Variants in ROBO2 observed in about 807,000 individuals in gnomAD.
The protein encoded by ROBO2 is roundabout homolog 2.
A neutral mutation model predicts 160.8 loss-of-function variants in ROBO2; 53 were observed. The ratio of observed to expected loss-of-function variants is 0.33; its 90% CI spans 0.26 to 0.41. ROBO2 has a LOEUF of 0.41. Ranked by LOEUF, ROBO2 falls within the 10% of genes least tolerant of loss-of-function variation. ROBO2 has a pLI of 1.00. For synonymous variants in ROBO2, 664 were observed against 611.7 expected (o/e 1.09, Z -1.26); for missense variants, 1,577 against 1,722.4 (o/e 0.92, Z 1.49).
At chr3:76,547,645 A>G (rs1202285026) in intron 2 of ROBO2, among the ~76,000 whole-genome samples, 1 of 152,112 alleles carries the variant, frequency 6.6e-6, no homozygotes, top group Non-Finnish European at 1.5e-5. Flanking sequence ...TAATCAATAA[A>G]GTAGCTCATT....
chr3:76,158,347 A>T (rs2072489655), intron 2 of ROBO2, among the ~76,000 whole-genome samples: 1 of 151,898 alleles, frequency 6.6e-6, no homozygotes, highest in Non-Finnish European at 1.5e-5. Context: ...CTCTCTAACT[A>T]TAGGCTTGTG....
At position 77,116,446 on chromosome 3, in the gene ROBO2, G is replaced by A. The variant is rs113989263; in HGVS notation, c.388+18106G>A. ...AGAACTTTATCTTAGGGGCCCAGCA[G>A]CCTTTTTGCAAGCCACCATTGTCAC... On this transcript the variant is annotated intron_variant, in intron 2 of 25. Transcript: ENST00000461745. 3.9e-3 allele frequency among the ~76,000 whole-genome samples: 596 copies of A among 152,234 alleles called. 7 individuals are homozygous for A. The highest frequency in any genetic ancestry group is 0.014 in the Middle Eastern group (4 of 294).
intron 2 of ROBO2, among the ~76,000 whole-genome samples, chr3:77,171,714 A>G (rs1393478028): frequency 6.6e-6 from 1 of 152,190 alleles, no homozygotes; most frequent in African/African-American, 2.4e-5. Context: ...ATGGTGGAGT[A>G]TGTTCTATGC....
intron 2 of ROBO2, among the ~76,000 whole-genome samples, chr3:76,898,247 A>G (rs1178533958): frequency 6.6e-6 from 1 of 152,244 alleles, no homozygotes; most frequent in East Asian, 1.9e-4. Context: ...TTAAAGTGCT[A>G]TTTTACAATT....
chr3:76,274,312 C>A, intron 2 of ROBO2, among the ~76,000 whole-genome samples: 1 of 151,342 alleles, frequency 6.6e-6, no homozygotes, highest in Non-Finnish European at 1.5e-5. Flanking sequence ...AACTAACCTG[C>A]ACGTTGTGCA....
intron 2 of ROBO2, among the ~76,000 whole-genome samples, chr3:76,214,890 A>G (rs758699213): frequency 2.6e-5 from 4 of 152,212 alleles, no homozygotes; most frequent in Non-Finnish European, 5.9e-5. Context: ...ACTCCCGAGT[A>G]GCCTAACTGG....
At chr3:77,180,699 G>A (rs1048316935) in intron 2 of ROBO2, among the ~76,000 whole-genome samples, 3 of 151,576 alleles carry the variant, frequency 2.0e-5, no homozygotes, top group Non-Finnish European at 4.4e-5. Flanking sequence ...ATAATTTAAA[G>A]ATTCAATTTT....
At chr3:76,007,643 A>T (rs1402304344) in intron 2 of ROBO2, among the ~76,000 whole-genome samples, 2 of 152,196 alleles carry the variant, frequency 1.3e-5, no homozygotes, top group Non-Finnish European at 2.9e-5. Context: ...GTATATTGGA[A>T]ATTATGACAA....
intron 1 of ROBO2, among the ~76,000 whole-genome samples, chr3:75,929,912 C>T (rs1217800426): frequency 6.6e-6 from 1 of 152,168 alleles, no homozygotes; most frequent in African/African-American, 2.4e-5. Context: ...CCAGGCTGGT[C>T]TCGAACTCCT....
intron 2 of ROBO2, among the ~76,000 whole-genome samples, chr3:76,519,576 C>G (rs564381055): frequency 4.6e-5 from 7 of 152,252 alleles, no homozygotes; most frequent in African/African-American, 1.4e-4. Context: ...AAGAAAATAT[C>G]TAGCATTGTG....
chr3:76,723,911 A>G (rs2093505590), intron 2 of ROBO2, among the ~76,000 whole-genome samples: 1 of 152,174 alleles, frequency 6.6e-6, no homozygotes, highest in Non-Finnish European at 1.5e-5. Flanking sequence ...TAGAAGTAAA[A>G]TCAGCAAGTT....
intron 2 of ROBO2, 56 bp from the exon 3 acceptor site, chr3:77,477,358 A>C: frequency 3.2e-6 from 5 of 1,580,052 alleles, no homozygotes; most frequent in Non-Finnish European, 4.3e-6. Context: ...CTTGTACAAC[A>C]AAAAGCCTAA....
chr3:76,035,092 C>T (rs920169645), intron 2 of ROBO2, among the ~76,000 whole-genome samples: 7 of 151,962 alleles, frequency 4.6e-5, no homozygotes, highest in African/African-American at 1.7e-4. Flanking sequence ...GTGCTAATTT[C>T]TAGACCTTCA....
At chr3:77,107,028 C>CT (rs2072896609) in intron 2 of ROBO2, among the ~76,000 whole-genome samples, 1 of 152,158 alleles carries the variant, frequency 6.6e-6, no homozygotes, top group South Asian at 2.1e-4. Context: ...AACTGGGTAG[C>CT]TTTTTAGGAA....
intron 2 of ROBO2, among the ~76,000 whole-genome samples, chr3:77,176,739 G>A (rs926753559): frequency 6.6e-6 from 1 of 151,918 alleles, no homozygotes; most frequent in Non-Finnish European, 1.5e-5. Flanking sequence ...GGAATAAACT[G>A]CATTATATTA....
intron 8 of ROBO2, among the ~76,000 whole-genome samples, chr3:77,554,298 A>G (rs1241807761): frequency 6.6e-6 from 1 of 151,952 alleles, no homozygotes; most frequent in Admixed American, 6.6e-5. Context: ...CTTCTCATCT[A>G]CGTGTACCTT....
intron 2 of ROBO2, among the ~76,000 whole-genome samples, chr3:77,233,557 T>C (rs1189414520): frequency 6.6e-6 from 1 of 152,222 alleles, no homozygotes; most frequent in East Asian, 1.9e-4. Flanking sequence ...TATTAGGATC[T>C]AGAAGCTAGT....
intron 2 of ROBO2, among the ~76,000 whole-genome samples, chr3:77,279,731 C>A (rs1560414991): frequency 6.6e-6 from 1 of 151,866 alleles, no homozygotes; most frequent in Non-Finnish European, 1.5e-5. Flanking sequence ...TATTACTTCA[C>A]TGTGGATAAA....
chr3:75,950,265 A>G (rs1453753514), intron 2 of ROBO2, among the ~76,000 whole-genome samples: 6 of 152,126 alleles, frequency 3.9e-5, no homozygotes, highest in African/African-American at 1.2e-4. Flanking sequence ...ATAGCTGCTG[A>G]GTTCCTTTCT....
Sources: allele counts gnomAD v4.1 joint callset (sites outside exome capture counted in the v4.1 genomes callset), GRCh38; gene constraint gnomAD v4.1.1; transcripts MANE v1.5; gene names NCBI Gene and HGNC (gene_info 2026-07-23, HGNC 2026-07-21).